Variants in SPOCK1 observed in about 807,000 individuals in gnomAD.
SPOCK1 encodes the protein SPARC (osteonectin), cwcv and kazal like domains proteoglycan 1.
A neutral mutation model predicts 55.3 loss-of-function variants in SPOCK1; 23 were observed. The ratio of observed to expected loss-of-function variants is 0.42; its 90% confidence interval spans 0.30 to 0.59. The LOEUF is 0.59. Among genes scored for constraint, SPOCK1 ranks in the 20% least tolerant of loss-of-function variants. The probability of loss-of-function intolerance (pLI) is 0.22; values close to 1 mark genes in which losing one functional copy is unlikely to be tolerated. For missense variants in SPOCK1, 499 were observed against 552.5 expected, an observed-to-expected ratio of 0.90 and a Z score of 0.97; for synonymous variants, 226 against 221.0, an observed-to-expected ratio of 1.02 and a Z score of -0.20.
chr5:137,399,987 AT>A (rs1000045420), intron 2 of SPOCK1, among the ~76,000 whole-genome samples: 13 of 152,136 alleles, frequency 8.5e-5, no homozygotes, highest in African/African-American at 3.1e-4. Context: ...TGAGGTCAAC[AT>A]TTCCTGAAAA....
chr5:137,191,001 A>T (rs1461347980), intron 3 of SPOCK1, among the ~76,000 whole-genome samples: 1 of 152,148 alleles, frequency 6.6e-6, no homozygotes, highest in Non-Finnish European at 1.5e-5. Flanking sequence ...GCCTTGAAAG[A>T]CCTTCCTGTC....
chr5:137,011,236 C>T (rs1347641865), intron 6 of SPOCK1, among the ~76,000 whole-genome samples: 3 of 152,104 alleles, frequency 2.0e-5, no homozygotes, highest in Non-Finnish European at 2.9e-5. Context: ...AACTTTAGTG[C>T]AATTGAGTCA....
intron 2 of SPOCK1, among the ~76,000 whole-genome samples, chr5:137,461,752 T>G (rs1379452213): frequency 6.6e-6 from 1 of 152,236 alleles, no homozygotes; most frequent in Non-Finnish European, 1.5e-5. Flanking sequence ...AAGTCTCACT[T>G]ACTGGTACTA....
At chr5:136,986,708 T>C (rs910343579) in intron 8 of SPOCK1, among the ~76,000 whole-genome samples, 1 of 151,968 alleles carries the variant, frequency 6.6e-6, no homozygotes, top group Admixed American at 6.6e-5. Flanking sequence ...AAAACACCTA[T>C]TTCAGTTACA....
intron 2 of SPOCK1, among the ~76,000 whole-genome samples, chr5:137,309,247 T>C (rs894479337): frequency 1.3e-5 from 2 of 152,196 alleles, no homozygotes; most frequent in Non-Finnish European, 2.9e-5. Context: ...TCCAAACTGG[T>C]TCCTGGCACA....
intron 5 of SPOCK1, among the ~76,000 whole-genome samples, chr5:137,105,843 C>T (rs1753356329): frequency 6.6e-6 from 1 of 152,158 alleles, no homozygotes; most frequent in African/African-American, 2.4e-5. Context: ...AATTGTTTAA[C>T]AGCAATTAAG....
intron 8 of SPOCK1, 27 bp downstream of exon 8, chr5:136,988,395 G>A (rs758131697): frequency 4.6e-5 from 73 of 1,601,000 alleles, no homozygotes; most frequent in Non-Finnish European, 6.1e-5. Context: ...CCTGGGCTAG[G>A]GACCCCAACC....
chr5:136,979,550 G>A (rs1750686171), intron 9 of SPOCK1, 81 bp from the exon 10 acceptor site: 2 of 1,519,916 alleles, frequency 1.3e-6, no homozygotes, highest in Non-Finnish European at 1.8e-6. Context: ...CAGGGAAGAG[G>A]GCTCACATGT....
intron 2 of SPOCK1, among the ~76,000 whole-genome samples, chr5:137,293,730 C>T (rs1043167343): frequency 6.6e-6 from 1 of 152,212 alleles, no homozygotes; most frequent in African/African-American, 2.4e-5. Context: ...AAACTTTCAA[C>T]GATGCACCGG....
At chr5:137,147,649 C>T (rs1754223161) in intron 3 of SPOCK1, among the ~76,000 whole-genome samples, 1 of 152,188 alleles carries the variant, frequency 6.6e-6, no homozygotes. Context: ...CTCAGGGCTC[C>T]ACTCTTTGGA....
At chr5:137,399,296 A>C (rs1751924724) in intron 2 of SPOCK1, among the ~76,000 whole-genome samples, 1 of 152,164 alleles carries the variant, frequency 6.6e-6, no homozygotes. Flanking sequence ...ATTTAATTCT[A>C]ATAAACCTAC....
intron 2 of SPOCK1, among the ~76,000 whole-genome samples, chr5:137,350,699 G>A (rs571567073): frequency 9.9e-5 from 15 of 152,174 alleles, no homozygotes; most frequent in African/African-American, 3.6e-4. Flanking sequence ...GTTTTCAGTG[G>A]AAGCAATCCT....
intron 3 of SPOCK1, among the ~76,000 whole-genome samples, chr5:137,184,367 C>A (rs1040231419): frequency 6.6e-5 from 10 of 152,150 alleles, no homozygotes; most frequent in African/African-American, 1.9e-4. Flanking sequence ...AGGAAGCCTT[C>A]TCTCCCCTGG....
intron 2 of SPOCK1, among the ~76,000 whole-genome samples, chr5:137,435,844 G>GT (rs1475685222): frequency 1.3e-5 from 2 of 151,494 alleles, no homozygotes; most frequent in African/African-American, 2.4e-5. Context: ...TCTTGGGGGA[G>GT]TTTTTTTACT....
At chr5:137,227,470 A>G (rs1755967515) in intron 3 of SPOCK1, among the ~76,000 whole-genome samples, 1 of 152,244 alleles carries the variant, frequency 6.6e-6, no homozygotes, top group Admixed American at 6.5e-5. Context: ...TCAGAGGGTC[A>G]TGAAATCCTG....
chr5:137,136,713 C>T (rs1178921567), intron 4 of SPOCK1, among the ~76,000 whole-genome samples: 4 of 152,130 alleles, frequency 2.6e-5, no homozygotes, highest in Admixed American at 2.6e-4. Flanking sequence ...TTTAAAGTAG[C>T]TTAAGAGAAG....
chr5:137,307,242 G>C lies in SPOCK1; in HGVS notation c.187-40187C>G, dbSNP rs183993838. On this transcript the variant is annotated intron_variant, in intron 2 of 10. Coordinates refer to ENST00000394945, the MANE Select transcript of SPOCK1 (RefSeq NM_004598.4). ...TTCTCACAGGACAAAGCTGGAGGCA[G>C]GCCTTTGCTGATGGAAGAGCCCAGC... 1.5e-3 allele frequency among the ~76,000 whole-genome samples: 222 copies of C among 152,344 alleles called. 1 individual carries two copies. Among genetic ancestry groups the C allele is most frequent in the African/African-American group, 4.8e-3 (199 of 41,588 alleles).
chr5:137,128,932 A>G (rs1753825701), intron 4 of SPOCK1, among the ~76,000 whole-genome samples: 1 of 152,236 alleles, frequency 6.6e-6, no homozygotes, highest in African/African-American at 2.4e-5. Context: ...CAATGAGGAT[A>G]TCGTTAGGAT....
chr5:137,155,231 T>C (rs1754392880), intron 3 of SPOCK1, among the ~76,000 whole-genome samples: 1 of 152,244 alleles, frequency 6.6e-6, no homozygotes, highest in Non-Finnish European at 1.5e-5. Context: ...CCAGGTCATC[T>C]TTAAGCCAAA....
Sources: allele counts gnomAD v4.1 joint callset (sites outside exome capture counted in the v4.1 genomes callset), GRCh38; gene constraint gnomAD v4.1.1; transcripts MANE v1.5; gene names NCBI Gene and HGNC (gene_info 2026-07-23, HGNC 2026-07-21).